PRKG1: variants seen among roughly 807,000 people sequenced by gnomAD.
The protein encoded by PRKG1 is protein kinase cGMP-dependent 1.
PRKG1 carries 35 observed loss-of-function variants against 88.1 expected under a neutral mutation model. That is an observed-to-expected ratio of 0.40 (90% confidence interval 0.30 to 0.53). The LOEUF is 0.53. PRKG1 is among the 20% of genes least tolerant of loss of function. The pLI, the probability that PRKG1 is intolerant of heterozygous loss-of-function variation, is 0.59. For missense variants in PRKG1, 540 were observed against 839.8 expected (o/e 0.64, Z 4.41); for synonymous variants, 303 against 292.5 (o/e 1.04, Z -0.37).
At chr10:52,179,408 T>C (rs1838952321) in intron 9 of PRKG1, among the ~76,000 whole-genome samples, 1 of 152,186 alleles carries the variant, frequency 6.6e-6, no homozygotes, top group African/African-American at 2.4e-5. Flanking sequence ...ACTTTGACTA[T>C]ATCACCCCAT....
At chr10:51,118,283 C>G (rs1432885166) in intron 1 of PRKG1, among the ~76,000 whole-genome samples, 1 of 152,028 alleles carries the variant, frequency 6.6e-6, no homozygotes, top group Admixed American at 6.6e-5. Flanking sequence ...CAAAAAATAA[C>G]TTCCTGTGCA....
chr10:52,219,442 TAAC>T (rs1840190648), intron 9 of PRKG1, among the ~76,000 whole-genome samples: 1 of 152,154 alleles, frequency 6.6e-6, no homozygotes, highest in South Asian at 2.1e-4. Context: ...TAAATATTAA[TAAC>T]AAACAATCCC....
chr10:51,628,008 CTCTTTCTTTCTT>C (rs762442433), intron 3 of PRKG1, among the ~76,000 whole-genome samples: 1,390 of 50,228 alleles, frequency 0.028, 59 homozygotes, highest in East Asian at 0.065. Context: ...CTCTCTCTCT[CTCTTTCTTTCTT>C]TCTTTCTTTC....
chr10:52,159,248 T>C (rs7918889), intron 8 of PRKG1, among the ~76,000 whole-genome samples: 8,973 of 151,562 alleles, frequency 0.059, 794 homozygotes, highest in African/African-American at 0.2. Context: ...AGGTCTTTTG[T>C]AGGTACATAT....
intron 3 of PRKG1, among the ~76,000 whole-genome samples, chr10:51,727,161 C>T (rs1842152368): frequency 6.6e-6 from 1 of 151,696 alleles, no homozygotes; most frequent in Admixed American, 6.6e-5. Flanking sequence ...ATTTTTTAAG[C>T]TAGGCATGAT....
At chr10:51,274,139 A>AT (rs1162991517) in intron 2 of PRKG1, among the ~76,000 whole-genome samples, 2 of 151,796 alleles carry the variant, frequency 1.3e-5, no homozygotes, top group Non-Finnish European at 2.9e-5. Context: ...TGGTGTCATA[A>AT]TTTTTTTTCT....
intron 1 of PRKG1, among the ~76,000 whole-genome samples, chr10:51,146,440 A>T (rs921311002): frequency 2.0e-5 from 3 of 151,218 alleles, no homozygotes; most frequent in African/African-American, 7.3e-5. Context: ...TATTATTATT[A>T]TTATTATTTT....
chr10:51,517,420 G>A (rs1841618295), intron 3 of PRKG1, among the ~76,000 whole-genome samples: 2 of 152,182 alleles, frequency 1.3e-5, no homozygotes, highest in Admixed American at 6.5e-5. Context: ...TAAGGAATGT[G>A]TACCTGAGGG....
upstream of PRKG1, among the ~76,000 whole-genome samples, chr10:51,072,020 A>AC (rs1415016717): frequency 5.3e-5 from 8 of 152,196 alleles, no homozygotes; most frequent in African/African-American, 1.4e-4. Context: ...AACATGGTGA[A>AC]CCCCGTCTCT....
At chr10:51,638,297 T>C (rs1429591441) in intron 3 of PRKG1, among the ~76,000 whole-genome samples, 1 of 152,194 alleles carries the variant, frequency 6.6e-6, no homozygotes, top group East Asian at 1.9e-4. Flanking sequence ...AGTCTTATTT[T>C]GAAGTCACAG....
intron 2 of PRKG1, among the ~76,000 whole-genome samples, chr10:51,157,175 G>A (rs1438500360): frequency 6.6e-6 from 1 of 151,882 alleles, no homozygotes; most frequent in East Asian, 1.9e-4. Flanking sequence ...TACGATGACT[G>A]GGGAAAAGTC....
chr10:51,396,698 C>T (rs1837585865), intron 2 of PRKG1, among the ~76,000 whole-genome samples: 1 of 152,222 alleles, frequency 6.6e-6, no homozygotes, highest in South Asian at 2.1e-4. Context: ...GTAACATTCA[C>T]GTGGAGATGT....
intron 4 of PRKG1, among the ~76,000 whole-genome samples, chr10:51,867,231 T>C (rs147003756): frequency 6.6e-6 from 1 of 152,292 alleles, no homozygotes; most frequent in East Asian, 1.9e-4. Flanking sequence ...ATTGAGACTA[T>C]AAAGGCAGGT....
chr10:51,762,387 A>G (rs184054723), intron 3 of PRKG1, among the ~76,000 whole-genome samples: 1 of 152,326 alleles, frequency 6.6e-6, no homozygotes, highest in East Asian at 1.9e-4. Flanking sequence ...AAGCTCAATG[A>G]TAAAGCTCTT....
Position 52,165,737 on chromosome 10 carries a change from A to G in PRKG1, c.1076+3774A>G, listed in dbSNP as rs573982128. Among the ~76,000 whole-genome samples the G allele has an allele frequency of 3.4e-4, 52 of 152,310 alleles. No homozygotes were observed. In the South Asian group the frequency reaches 9.7e-3, roughly 29 times the overall value. ...TATGCCTATTTGGGTAAGAAGCGAA[A>G]AAAAGTAGGACTGACTGTAAAGATT... On this transcript the variant is annotated intron_variant, in intron 9 of 17. Transcript: ENST00000373980.
At chr10:52,289,722 T>C (rs1564547537) in intron 16 of PRKG1, among the ~76,000 whole-genome samples, 1 of 152,138 alleles carries the variant, frequency 6.6e-6, no homozygotes, top group Non-Finnish European at 1.5e-5. Context: ...AAAATATCTT[T>C]ATTCTTCATT....
chr10:51,817,346 A>ACCC (rs1332540212), intron 4 of PRKG1, among the ~76,000 whole-genome samples: 1 of 36,382 alleles, frequency 2.7e-5, no homozygotes, highest in Non-Finnish European at 5.0e-5. Context: ...ATCCCTCCCC[A>ACCC]ACCCCCCCCC....
chr10:51,677,288 A>T (rs1840734888), intron 3 of PRKG1, among the ~76,000 whole-genome samples: 1 of 152,128 alleles, frequency 6.6e-6, no homozygotes. Flanking sequence ...TGGACATGTG[A>T]CTTGCTGTAT....
chr10:52,108,141 GT>G (rs1847469005), intron 7 of PRKG1, among the ~76,000 whole-genome samples: 1 of 152,144 alleles, frequency 6.6e-6, no homozygotes, highest in Non-Finnish European at 1.5e-5. Context: ...TCTCAAAACT[GT>G]TTTGGAGAGG....
Sources: allele counts gnomAD v4.1 joint callset (sites outside exome capture counted in the v4.1 genomes callset), GRCh38; gene constraint gnomAD v4.1.1; transcripts MANE v1.5; gene names NCBI Gene and HGNC (gene_info 2026-07-23, HGNC 2026-07-21).